ATP13A4: variants seen among roughly 807,000 people sequenced by gnomAD.
The protein encoded by ATP13A4 is ATPase 13A4.
In ATP13A4, 114 loss-of-function variants were observed where a neutral mutation model predicts 142.5. That is an observed-to-expected ratio of 0.80 (90% confidence interval 0.69 to 0.93). The LOEUF is 0.93. ATP13A4 is among the 40% of genes least tolerant of loss of function. The pLI is 0.00. For synonymous variants in ATP13A4, 488 were observed against 514.8 expected (o/e 0.95, Z 0.70); for missense variants, 1,392 against 1,454.0 (o/e 0.96, Z 0.69).
intron 2 of ATP13A4, among the ~76,000 whole-genome samples, chr3:193,560,228 AGACAGG>A (rs1362038857): frequency 1.3e-5 from 2 of 149,042 alleles, no homozygotes; most frequent in Non-Finnish European, 3.0e-5. Context: ...TTTTTTTTTG[AGACAGG>A]GTCTCGCTCT....
At chr3:193,477,390 A>T (rs1218887610) in intron 8 of ATP13A4, among the ~76,000 whole-genome samples, 1 of 152,078 alleles carries the variant, frequency 6.6e-6, no homozygotes, top group Non-Finnish European at 1.5e-5. Flanking sequence ...TGTGATAGGT[A>T]CGTGAGGATT....
chr3:193,560,680 A>C (rs976917987), intron 2 of ATP13A4, among the ~76,000 whole-genome samples: 1 of 152,234 alleles, frequency 6.6e-6, no homozygotes, highest in African/African-American at 2.4e-5. Flanking sequence ...CCCATTACTT[A>C]GGCATGATCC....
At chr3:193,545,518 G>T (rs1433915001) in intron 1 of ATP13A4, among the ~76,000 whole-genome samples, 1 of 152,188 alleles carries the variant, frequency 6.6e-6, no homozygotes, top group African/African-American at 2.4e-5. Flanking sequence ...ACTCTACCCA[G>T]CCTGTGGTTT....
chr3:193,539,781 T>C (rs1278645657), intron 1 of ATP13A4, among the ~76,000 whole-genome samples: 1 of 152,232 alleles, frequency 6.6e-6, no homozygotes, highest in East Asian at 1.9e-4. Flanking sequence ...ATGAAAATGC[T>C]TAGCAATGGG....
intron 2 of ATP13A4, among the ~76,000 whole-genome samples, chr3:193,580,609 G>C (rs1298231952): frequency 6.6e-6 from 1 of 152,066 alleles, no homozygotes; most frequent in African/African-American, 2.4e-5. Flanking sequence ...TATTGTACAG[G>C]CCAAGTTACA....
At chr3:193,428,750 T>C (rs1231730775) in intron 25 of ATP13A4, among the ~76,000 whole-genome samples, 2 of 130,408 alleles carry the variant, frequency 1.5e-5, no homozygotes, top group Admixed American at 1.8e-4. Flanking sequence ...ATGAGAACTC[T>C]TGGACACAGG....
At chr3:193,444,820 A>G (rs1462959471) in intron 18 of ATP13A4, among the ~76,000 whole-genome samples, 1 of 152,212 alleles carries the variant, frequency 6.6e-6, no homozygotes. Flanking sequence ...CTATGTATGA[A>G]GATCCTCAAA....
intron 23 of ATP13A4, among the ~76,000 whole-genome samples, chr3:193,436,843 G>A (rs1053772260): frequency 4.3e-5 from 6 of 140,526 alleles, no homozygotes; most frequent in South Asian, 2.1e-4. Flanking sequence ...GGTGGCTCAC[G>A]CCTGTAATCC....
At position 193,400,626 on chromosome 3, in the gene ATP13A4, G is replaced by A. The variant is rs1714229715; in HGVS notation, c.*2026C>T. 1.3e-5 allele frequency among the ~76,000 whole-genome samples: 2 copies of A among 152,192 alleles called. No homozygotes were observed. Among genetic ancestry groups the A allele is most frequent in the African/African-American group, 4.8e-5 (2 of 41,442 alleles). On this transcript the variant is annotated 3_prime_UTR_variant, in exon 30 of 30. Coordinates refer to ENST00000342695, the MANE Select transcript of ATP13A4 (RefSeq NM_032279.4). The stretch of plus-strand genomic sequence containing the variant: ...GTTTGCTCAGAAGATCTGTATTTGA[G>A]GCCTAGATCTGCTCTTGCCATTACT...
chr3:193,486,987 C>A (rs1317078464), intron 7 of ATP13A4, among the ~76,000 whole-genome samples: 2 of 152,102 alleles, frequency 1.3e-5, no homozygotes, highest in Non-Finnish European at 2.9e-5. Context: ...TGTAAGCAGT[C>A]GGCCAAGTGG....
rs569217043 is a variant in ATP13A4, at chr3:193,526,072, G to A, written c.61-11201C>T. Among the ~76,000 whole-genome samples the A allele has an allele frequency of 8.5e-5, 13 of 152,206 alleles. No homozygotes were observed. The East Asian group carries it at 2.3e-3, about 27-fold the overall frequency. ...TCAAGATATGCATACTGCTTGCTAG[G>A]CCTGGCTTGCTAGGCCATATCATTT... On this transcript the variant is annotated intron_variant, in intron 1 of 29. Transcript: ENST00000342695.
intron 1 of ATP13A4, among the ~76,000 whole-genome samples, chr3:193,587,451 G>A (rs554872695): frequency 6.6e-6 from 1 of 151,982 alleles, no homozygotes; most frequent in African/African-American, 2.4e-5. Flanking sequence ...TGGCATTTAG[G>A]GCCTACCTAG....
intron 25 of ATP13A4, among the ~76,000 whole-genome samples, chr3:193,419,335 T>C (rs1270226093): frequency 2.0e-5 from 3 of 150,332 alleles, no homozygotes; most frequent in Non-Finnish European, 4.4e-5. Context: ...CGCTGTGCAC[T>C]GCCTCCTGAA....
chr3:193,510,422 T>C (rs1201886536), intron 2 of ATP13A4, among the ~76,000 whole-genome samples: 2 of 152,220 alleles, frequency 1.3e-5, no homozygotes, highest in East Asian at 1.9e-4. Context: ...TAACCTACGA[T>C]GACAATGAGG....
chr3:193,548,865 G>A (rs997810934), intron 1 of ATP13A4, among the ~76,000 whole-genome samples: 7 of 152,158 alleles, frequency 4.6e-5, no homozygotes, highest in African/African-American at 1.4e-4. Context: ...AGAGTTTACC[G>A]TGCTTTTCCA....
At chr3:193,404,913 T>G (rs914899855) in intron 29 of ATP13A4, among the ~76,000 whole-genome samples, 2 of 152,290 alleles carry the variant, frequency 1.3e-5, no homozygotes, top group Admixed American at 6.5e-5. Flanking sequence ...AACTCATACA[T>G]ACAAGCATAC....
intron 2 of ATP13A4, among the ~76,000 whole-genome samples, chr3:193,573,719 G>C (rs1373296361): frequency 2.0e-5 from 3 of 152,132 alleles, no homozygotes; most frequent in Non-Finnish European, 4.4e-5. Flanking sequence ...TCCTAGCTCA[G>C]CTGTGGAATT....
chr3:193,488,886 A>C (rs1719786729), intron 7 of ATP13A4, among the ~76,000 whole-genome samples: 1 of 152,156 alleles, frequency 6.6e-6, no homozygotes, highest in Admixed American at 6.5e-5. Context: ...TGGACTGCAC[A>C]AGCACCCCAG....
At chr3:193,482,709 C>T (rs1254630452) in intron 8 of ATP13A4, among the ~76,000 whole-genome samples, 1 of 152,144 alleles carries the variant, frequency 6.6e-6, no homozygotes, top group Non-Finnish European at 1.5e-5. Flanking sequence ...GAGATACTAC[C>T]ACACACCAAA....
Sources: gnomAD v4.1 joint callset for allele counts (sites outside exome capture counted in the v4.1 genomes callset) on GRCh38, gnomAD v4.1.1 for gene constraint, MANE v1.5 for transcripts, NCBI Gene and HGNC (gene_info 2026-07-23, HGNC 2026-07-21) for gene names.